NBEAL1: variants seen among roughly 807,000 people sequenced by gnomAD.
NBEAL1 encodes the protein neurobeachin like 1, also known as neurobeachin-like protein 1.
In NBEAL1, 273 loss-of-function variants were observed where a neutral mutation model predicts 351.3. That is an observed-to-expected ratio of 0.78 (90% confidence interval 0.70 to 0.86). The LOEUF is 0.86. Among genes scored for constraint, NBEAL1 ranks in the 40% least tolerant of loss-of-function variants. NBEAL1 has a pLI of 0.00. For missense variants in NBEAL1, 2,961 were observed against 3,201.3 expected, an observed-to-expected ratio of 0.92 and a Z score of 1.81; for synonymous variants, 1,050 against 1,086.4, an observed-to-expected ratio of 0.97 and a Z score of 0.66.
chr2:203,055,619 A>G (rs1409489578), intron 4 of NBEAL1, among the ~76,000 whole-genome samples: 2 of 151,522 alleles, frequency 1.3e-5, no homozygotes, highest in Non-Finnish European at 2.9e-5. Context: ...AAAAAAAACC[A>G]GAAGAAGTCT....
chr2:203,123,522 C>T (rs182700259), intron 19 of NBEAL1, among the ~76,000 whole-genome samples: 76 of 151,988 alleles, frequency 5.0e-4, no homozygotes, highest in Non-Finnish European at 6.9e-4. Context: ...TTAGTAGAGA[C>T]AGGGTCTCAC....
chr2:203,152,221 G>C (rs925060048), intron 35 of NBEAL1, among the ~76,000 whole-genome samples: 4 of 151,224 alleles, frequency 2.6e-5, no homozygotes, highest in African/African-American at 9.7e-5. Context: ...TGCCTCCCAA[G>C]TGCTGGGATT....
intron 8 of NBEAL1, among the ~76,000 whole-genome samples, chr2:203,082,111 G>A (rs1466660371): frequency 6.6e-6 from 1 of 152,072 alleles, no homozygotes; most frequent in African/African-American, 2.4e-5. Context: ...AAAATAAAGA[G>A]GTCCTGAAAA....
At chr2:203,139,170 TA>T (rs759499924) in intron 31 of NBEAL1, among the ~76,000 whole-genome samples, 9 of 152,236 alleles carry the variant, frequency 5.9e-5, no homozygotes, top group African/African-American at 9.6e-5. Context: ...TTTTATCTCA[TA>T]TTTTTTTTTT....
chr2:203,096,239 C>G (rs1000548184), intron 10 of NBEAL1, among the ~76,000 whole-genome samples: 3 of 152,226 alleles, frequency 2.0e-5, no homozygotes, highest in Admixed American at 2.0e-4. Context: ...AACCAAAATT[C>G]AAACTCAGGT....
At position 203,199,397 on chromosome 2, in the gene NBEAL1, C is replaced by T. The variant is rs2065328768; in HGVS notation, c.7188C>T (p.Asn2396=). 1 of 1,608,202 alleles carries T rather than the reference C, an allele frequency of 6.2e-7. No individual in the cohort carries two copies. Among genetic ancestry groups the T allele is most frequent in the Non-Finnish European group, 8.5e-7 (1 of 1,175,454 alleles). ...ATGGATGGTTGCCTTATGACAGAAA[C>T]ATTTCTAATTACTTTACATTCATCA... ...GTHGWLPYDR[N]ISNYFTFIKD... The change falls in exon 49 of 56, where the codon AAC becomes AAT. Residue 2396 remains asparagine, a synonymous_variant. Coordinates refer to ENST00000683969, the MANE Select transcript of NBEAL1 (RefSeq NM_001378026.1).
chr2:203,125,489 T>C lies in NBEAL1; in HGVS notation c.2820T>C (p.Asp940=). The change falls in exon 20 of 56, where the codon GAT becomes GAC. Residue 940 remains aspartate (D), a synonymous_variant. Coordinates refer to ENST00000683969, the MANE Select transcript of NBEAL1 (RefSeq NM_001378026.1). ...VPESVTPVEG[D]WLVWTSTKAS... The stretch of plus-strand genomic sequence containing the variant: ...AATCAGTAACACCTGTTGAAGGAGA[T>C]TGGCTCGTATGGACTTCCACAAAGG... The C allele has an allele frequency of 2.0e-6, 3 of 1,530,880 alleles. No homozygotes were observed. Among genetic ancestry groups the C allele is most frequent in the Non-Finnish European group, 8.8e-7 (1 of 1,139,056 alleles). The allele number at this position is 1,530,880 out of a possible 1,614,324, so 94.8% of individuals were successfully genotyped here.
chr2:203,149,113 C>T lies in NBEAL1; in HGVS notation c.5427C>T (p.Leu1809=), dbSNP rs1269407194. 6.2e-7 allele frequency: 1 copy of T among 1,606,976 alleles called. No homozygotes were observed. The highest frequency in any genetic ancestry group is 1.1e-5 in the South Asian group (1 of 89,750). ...TTAGACGCTGGAAAGCAATACAGCTCTATCTTACATGTGAAAGGGGACCTT... is the reference window on the plus strand; with the variant it reads ...TTAGACGCTGGAAAGCAATACAGCTTTATCTTACATGTGAAAGGGGACCTT... The part of the protein sequence containing the change: ...ATLRRWKAIQ[L]YLTCERGPWA... The change falls in exon 34 of 56, where the codon CTC becomes CTT. Residue 1809 remains leucine (L), a synonymous_variant. Transcript: ENST00000683969.
upstream of NBEAL1, chr2:203,014,632 G>A (rs1459147676): frequency 1.3e-5 from 2 of 152,290 alleles, no homozygotes; most frequent in East Asian, 1.9e-4. Context: ...TCCAGCTGAG[G>A]GAAGGCTCGT....
At chr2:203,182,826 T>C (rs1015945285) in intron 43 of NBEAL1, 2 of 152,310 alleles carry the variant, frequency 1.3e-5, no homozygotes, top group East Asian at 3.8e-4. Flanking sequence ...AAATCTTTAT[T>C]ATGCAAGTAT....
chr2:203,184,514 G>A (rs1282138713), intron 44 of NBEAL1, among the ~76,000 whole-genome samples: 4 of 152,018 alleles, frequency 2.6e-5, no homozygotes, highest in Non-Finnish European at 5.9e-5. Context: ...TTAGTTTAAC[G>A]TTGGTTATTG....
In NBEAL1 at chr2:203,132,031, G is replaced by A. The variant is rs773769557; in HGVS notation, c.3623G>A (p.Arg1208Gln). 4 of 1,554,352 alleles carry A rather than the reference G, an allele frequency of 2.6e-6. No individual in the cohort carries two copies. Among genetic ancestry groups the A allele is most frequent in the Admixed American group, 2.0e-5 (1 of 50,908 alleles). Residue 1208 changes from arginine to glutamine, a missense_variant, in exon 26 of 56, where the codon CGA becomes CAA. Arg to Gln is a conservative substitution (Grantham distance 43). Coordinates refer to ENST00000683969, the MANE Select transcript of NBEAL1 (RefSeq NM_001378026.1). ...NVYERSKQHI[R>Q]LREVGYSGLG... is the part of the protein sequence containing the mutation. ...TATGAGCGTAGTAAACAACATATTCGACTCAGAGAAGTTGGCTACTCGGGA... is the reference window on the plus strand; with the variant it reads ...TATGAGCGTAGTAAACAACATATTCAACTCAGAGAAGTTGGCTACTCGGGA...
Position 203,209,270 on chromosome 2 carries a change from G to A in NBEAL1, c.7733G>A (p.Trp2578Ter). ...ACCATTCCTAATTTGGCTATATCTTGGGAAGGACATATTGTTGTCTACTCC... is the reference window on the plus strand; with the variant it reads ...ACCATTCCTAATTTGGCTATATCTTAGGAAGGACATATTGTTGTCTACTCC... ...FLTIPNLAIS[W>*]EGHIVVYSST... Residue 2578 changes from tryptophan (W) to a stop codon, truncating the protein, a stop_gained, in exon 53 of 56, where the codon TGG (tryptophan) becomes TAG (stop). Coordinates refer to ENST00000683969, the MANE Select transcript of NBEAL1 (RefSeq NM_001378026.1). LOFTEE classifies it high-confidence loss of function. 6.2e-7 allele frequency: 1 copy of A among 1,613,904 alleles called. No individual in the cohort carries two copies. The highest frequency in any genetic ancestry group is 1.1e-5 in the South Asian group (1 of 91,076).
chr2:203,138,327 T>A lies in NBEAL1; in HGVS notation c.4719+12T>A, dbSNP rs1318504957. 1 of 1,594,286 alleles carries A rather than the reference T, an allele frequency of 6.3e-7. No homozygotes were observed. Among genetic ancestry groups the A allele is most frequent in the Admixed American group, 1.9e-5 (1 of 53,556 alleles). ...TGTGGACCGAGAAGGTGCAGTAATA[T>A]CTCTTTAAAATTATATTTTGGGTAG... is the stretch of plus-strand genomic sequence containing the variant. On this transcript the variant is annotated intron_variant, in intron 30 of 55. Coordinates refer to ENST00000683969, the MANE Select transcript of NBEAL1 (RefSeq NM_001378026.1).
intron 10 of NBEAL1, among the ~76,000 whole-genome samples, chr2:203,095,143 C>G (rs1340772944): frequency 1.3e-5 from 2 of 151,974 alleles, no homozygotes; most frequent in East Asian, 1.9e-4. Flanking sequence ...AAGAGAAAAG[C>G]AAAGAAGAAA....
intron 19 of NBEAL1, among the ~76,000 whole-genome samples, chr2:203,122,572 G>T (rs1307908971): frequency 6.6e-6 from 1 of 152,162 alleles, no homozygotes; most frequent in East Asian, 1.9e-4. Context: ...CAGGTCTTTG[G>T]ATAATGTCGT....
chr2:203,169,378 T>G (rs2064245230), intron 38 of NBEAL1, among the ~76,000 whole-genome samples: 4 of 142,984 alleles, frequency 2.8e-5, no homozygotes, highest in Non-Finnish European at 6.1e-5. Context: ...ACACAACTGT[T>G]TGAATATAGT....
At chr2:203,196,226 T>C (rs1244090283) in intron 47 of NBEAL1, among the ~76,000 whole-genome samples, 1 of 152,254 alleles carries the variant, frequency 6.6e-6, no homozygotes, top group African/African-American at 2.4e-5. Context: ...CCAAGTTCCA[T>C]CTGCAGGTGC....
intron 48 of NBEAL1, among the ~76,000 whole-genome samples, chr2:203,197,829 A>C (rs2105800757): frequency 6.6e-6 from 1 of 152,134 alleles, no homozygotes; most frequent in South Asian, 2.1e-4. Flanking sequence ...GAATCACTTG[A>C]ATCCAGGAGG....
Sources: allele counts gnomAD v4.1 joint callset (sites outside exome capture counted in the v4.1 genomes callset), GRCh38; gene constraint gnomAD v4.1.1; transcripts MANE v1.5; gene names NCBI Gene and HGNC (gene_info 2026-07-23, HGNC 2026-07-21).